Variants in TBCD observed in about 807,000 individuals in gnomAD.
TBCD encodes the protein tubulin-specific chaperone D.
A neutral mutation model predicts 169.3 loss-of-function variants in TBCD; 105 were observed. The ratio of observed to expected loss-of-function variants is 0.62; its 90% CI spans 0.53 to 0.73. The LOEUF (loss-of-function observed/expected upper bound fraction) is 0.73, where lower values mean the gene tolerates loss of function less well. Ranked by LOEUF, TBCD falls within the 30% of genes least tolerant of loss-of-function variation. TBCD has a pLI of 0.00. For missense variants in TBCD, 1,444 were observed against 1,600.1 expected (o/e 0.90, Z 1.66); for synonymous variants, 700 against 643.9 (o/e 1.09, Z -1.32).
chr17:82,859,752 C>G (rs1183208978), intron 13 of TBCD: 1 of 985,324 alleles, frequency 1.0e-6, no homozygotes, highest in Non-Finnish European at 1.2e-6. Context: ...GGGCTGCTGC[C>G]CAGACTCACC....
intron 13 of TBCD, among the ~76,000 whole-genome samples, chr17:82,858,054 A>G (rs1441189116): frequency 6.6e-6 from 1 of 152,078 alleles, no homozygotes; most frequent in African/African-American, 2.4e-5. Context: ...CTGGTGCTAC[A>G]GGGGCACACC....
chr17:82,859,683 T>C (rs938705453), intron 13 of TBCD: 1 of 985,328 alleles, frequency 1.0e-6, no homozygotes, highest in Non-Finnish European at 1.2e-6. Context: ...CAGCAGAGGC[T>C]GGAGGCCAGG....
intron 34 of TBCD, among the ~76,000 whole-genome samples, chr17:82,934,603 G>T (rs2062464160): frequency 6.6e-6 from 1 of 151,994 alleles, no homozygotes; most frequent in South Asian, 2.1e-4. Context: ...CTCCCTAGTA[G>T]CTGGGATTAC....
At chr17:82,912,143 A>G (rs900756822) in intron 23 of TBCD, among the ~76,000 whole-genome samples, 2 of 152,186 alleles carry the variant, frequency 1.3e-5, no homozygotes, top group Non-Finnish European at 2.9e-5. Flanking sequence ...GCACGGCCCC[A>G]GCGTGGACAG....
Position 82,930,177 on chromosome 17 carries a change from T to G in TBCD, c.2992-345T>G. On this transcript the variant is annotated intron_variant, in intron 32 of 38. Transcript: ENST00000355528. The surrounding 1 kb of genome is among the most constrained non-coding windows in gnomAD (Gnocchi z 5.2). The stretch of plus-strand genomic sequence containing the variant: ...CACATGCGAGCGGGGCCCCGAGACA[T>G]TCTGCACTCGGGAATTGCGGGGATT... 6.2e-6 allele frequency: 2 copies of G among 320,216 alleles called. No homozygotes were observed. Among genetic ancestry groups the G allele is most frequent in the Non-Finnish European group, 5.9e-6 (1 of 169,488 alleles). 19.8% of individuals were successfully genotyped at this position (320,216 alleles called of 1,614,324 possible). A position where few individuals can be genotyped will look rare whatever the true frequency, so the allele number is the denominator to read the frequency against.
At chr17:82,937,166 C>T in intron 34 of TBCD, 105 bp from the exon 35 acceptor site, 1 of 1,021,298 alleles carries the variant, frequency 9.8e-7, no homozygotes, top group East Asian at 2.5e-5. Flanking sequence ...GCTTCTTGGA[C>T]TGAGCCACTG....
At chr17:82,899,551 C>G (rs148468569) in intron 17 of TBCD, among the ~76,000 whole-genome samples, 76 of 152,324 alleles carry the variant, frequency 5.0e-4, no homozygotes, top group African/African-American at 1.5e-3. Context: ...GTGAGTTTGC[C>G]TGACATTTAG....
At position 82,929,409 on chromosome 17, in the gene TBCD, C is replaced by A; in HGVS notation, c.2900C>A (p.Pro967Gln). 6.2e-7 allele frequency: 1 copy of A among 1,613,036 alleles called. No individual in the cohort carries two copies. Among genetic ancestry groups the A allele is most frequent in the Non-Finnish European group, 8.5e-7 (1 of 1,179,882 alleles). ...TGGAGTGCACCTTCCCAGGCCTTCC[C>A]ACGCATCACCCAGCTCCTTGGGCTG... ...VNWSAPSQAF[P>Q]RITQLLGLPT... is the part of the protein sequence containing the mutation. The change falls in exon 32 of 39, where the codon CCA becomes CAA. Residue 967 changes from proline (P) to glutamine (Q), a missense_variant. Physicochemically the swap from Pro to Gln is moderately conservative, Grantham distance 76. Coordinates refer to ENST00000355528, the MANE Select transcript of TBCD (RefSeq NM_005993.5).
intron 23 of TBCD, among the ~76,000 whole-genome samples, chr17:82,919,986 G>T (rs3744155): frequency 1.3e-5 from 2 of 152,134 alleles, no homozygotes; most frequent in Non-Finnish European, 2.9e-5. Flanking sequence ...AGGTAGAGAC[G>T]GTGGGAGCTA....
intron 17 of TBCD, among the ~76,000 whole-genome samples, chr17:82,898,746 G>A (rs1425412211): frequency 6.6e-6 from 1 of 152,174 alleles, no homozygotes; most frequent in East Asian, 1.9e-4. Flanking sequence ...TGGGTTTCGA[G>A]TCATAATTAG....
chr17:82,768,673 C>T (rs2048147282), intron 5 of TBCD, 107 bp downstream of exon 5: 1 of 1,237,900 alleles, frequency 8.1e-7, no homozygotes, highest in African/African-American at 1.5e-5. Context: ...TATTCAACTG[C>T]TGTTTTTTTC....
rs1353284201 is a variant in TBCD, at chr17:82,752,137, T to C, written c.-57T>C. 2 of 1,445,306 alleles carry C rather than the reference T, an allele frequency of 1.4e-6. No individual in the cohort carries two copies. Among genetic ancestry groups the C allele is most frequent in the Non-Finnish European group, 1.8e-6 (2 of 1,101,624 alleles). The allele number at this position is 1,445,306 out of a possible 1,614,324, so 89.5% of individuals were successfully genotyped here. A position where few individuals can be genotyped will look rare whatever the true frequency, so the allele number is the denominator to read the frequency against. ...TCCTTCATCCCTGGCTTTCGCGCTCTAGCGGAGTGGGATCTGCGAACACGT... is the reference window on the plus strand; with the variant it reads ...TCCTTCATCCCTGGCTTTCGCGCTCCAGCGGAGTGGGATCTGCGAACACGT... On this transcript the variant is annotated 5_prime_UTR_variant, in exon 1 of 39. Coordinates refer to ENST00000355528, the MANE Select transcript of TBCD (RefSeq NM_005993.5).
chr17:82,830,922 AGCAACTGCGTGAAGCAGT>A (rs1476819144), intron 13 of TBCD: 2 of 1,613,164 alleles, frequency 1.2e-6, no homozygotes, highest in Non-Finnish European at 1.7e-6. Context: ...TGCTTAGAAA[AGCAACTGCGTGAAGCAGT>A]GTGAGCAAGT....
chr17:82,793,761 C>G (rs632276), intron 7 of TBCD, among the ~76,000 whole-genome samples: 1 of 152,192 alleles, frequency 6.6e-6, no homozygotes, highest in South Asian at 2.1e-4. Flanking sequence ...GTGGCATGCC[C>G]AAGAGTGGCT....
At chr17:82,772,112 G>A (rs1281248263) in intron 5 of TBCD, among the ~76,000 whole-genome samples, 6 of 152,062 alleles carry the variant, frequency 3.9e-5, no homozygotes, top group Admixed American at 2.6e-4. Context: ...AGGCATATTA[G>A]GTGCTCAATG....
rs1431226842 is a variant in TBCD, at chr17:82,920,221, G to A, written c.2039-335G>A. On this transcript the variant is annotated intron_variant, in intron 23 of 38. Coordinates refer to ENST00000355528, the MANE Select transcript of TBCD (RefSeq NM_005993.5). The surrounding 1 kb of genome is among the most constrained non-coding windows in gnomAD (Gnocchi z 4.1). The stretch of plus-strand genomic sequence containing the variant: ...CAGGTCTAGGAGCAGAAGCCGCTAT[G>A]CTTCCCGTACAGCCTGTCACAGGGA... 6.6e-6 allele frequency among the ~76,000 whole-genome samples: 1 copy of A among 152,246 alleles called. No homozygotes were observed. Among genetic ancestry groups the A allele is most frequent in the Non-Finnish European group, 1.5e-5 (1 of 68,036 alleles).
intron 17 of TBCD, chr17:82,896,001 G>A (rs866464846): frequency 4.6e-5 from 7 of 152,152 alleles, no homozygotes; most frequent in South Asian, 2.1e-4. Flanking sequence ...GTACATTTTT[G>A]TAAATGTTAA....
intron 12 of TBCD, among the ~76,000 whole-genome samples, chr17:82,810,636 C>T (rs1316267832): frequency 6.6e-6 from 1 of 152,186 alleles, no homozygotes; most frequent in East Asian, 1.9e-4. Flanking sequence ...TGTGAGGCAT[C>T]GATCTGTGAC....
chr17:82,902,982 C>G (rs2059990375), intron 18 of TBCD, among the ~76,000 whole-genome samples: 1 of 152,200 alleles, frequency 6.6e-6, no homozygotes, highest in Non-Finnish European at 1.5e-5. Context: ...CAGTGTGTGT[C>G]TGATGAGGCA....
Sources: allele counts gnomAD v4.1 joint callset (sites outside exome capture counted in the v4.1 genomes callset), GRCh38; gene constraint gnomAD v4.1.1; non-coding constraint Gnocchi (gnomAD v3.1); transcripts MANE v1.5; gene names NCBI Gene and HGNC (gene_info 2026-07-23, HGNC 2026-07-21).